The following CENPP variants were observed in gnomAD, a reference collection of about 807,000 sequenced individuals.
CENPP encodes the protein centromere protein P.
Under a neutral mutation model 35.6 loss-of-function variants are expected in CENPP, and 24 were observed. That is an observed-to-expected ratio of 0.67 (90% CI 0.49 to 0.95). CENPP has a LOEUF of 0.95. Ranked by LOEUF, CENPP falls within the 40% of genes least tolerant of loss-of-function variation. CENPP has a pLI of 0.00. For missense variants in CENPP, 332 were observed against 345.3 expected, an observed-to-expected ratio of 0.96 and a Z score of 0.31; for synonymous variants, 120 against 125.5, an observed-to-expected ratio of 0.96 and a Z score of 0.29.
At chr9:92,366,738 A>T (rs1402038395) in intron 4 of CENPP, among the ~76,000 whole-genome samples, 2 of 152,234 alleles carry the variant, frequency 1.3e-5, no homozygotes, top group Non-Finnish European at 1.5e-5. Flanking sequence ...AATGATTATT[A>T]CACACACATG....
chr9:92,351,773 C>T lies in CENPP; in HGVS notation c.467+5986C>T, dbSNP rs138827467. The stretch of plus-strand genomic sequence containing the variant: ...CCAAGTAGCTGGGATTACAGGCACC[C>T]GCTACCATGCCCAGCTAATTTTTAT... On this transcript the variant is annotated intron_variant, in intron 4 of 7. Coordinates refer to ENST00000375587, the MANE Select transcript of CENPP (RefSeq NM_001012267.3). Among the ~76,000 whole-genome samples the T allele has an allele frequency of 2.3e-3, 352 of 151,824 alleles. 2 individuals carry two copies. Among genetic ancestry groups the T allele is most frequent in the African/African-American group, 7.9e-3 (327 of 41,478 alleles).
chr9:92,416,084 T>A (rs937344736), intron 5 of CENPP, among the ~76,000 whole-genome samples: 3,987 of 136,626 alleles, frequency 0.029, 107 homozygotes, highest in South Asian at 0.089. Context: ...ATTTATTTAT[T>A]TATTTATTTA....
chr9:92,545,092 C>T (rs879844887), intron 5 of CENPP, among the ~76,000 whole-genome samples: 2 of 152,190 alleles, frequency 1.3e-5, no homozygotes, highest in Non-Finnish European at 2.9e-5. Context: ...TGGCAGCCCT[C>T]GCAGCCCTCG....
At chr9:92,560,321 T>G (rs1250908901) in intron 5 of CENPP, among the ~76,000 whole-genome samples, 2 of 152,206 alleles carry the variant, frequency 1.3e-5, no homozygotes, top group East Asian at 3.8e-4. Flanking sequence ...TATATCAGCA[T>G]TAAAGGATGA....
rs993347874 is a variant in CENPP, at chr9:92,618,545, G to C, written c.*5396G>C. 6.8e-5 allele frequency: 31 copies of C among 456,600 alleles called. No individual in the cohort carries two copies. The highest frequency in any genetic ancestry group is 4.4e-6 in the Non-Finnish European group (1 of 226,986). 28.3% of individuals were successfully genotyped at this position (456,600 alleles called of 1,614,324 possible). On this transcript the variant is annotated 3_prime_UTR_variant, in exon 8 of 8. Transcript: ENST00000375587. ...TCCTTGGTCGGGGGGCTGCTGAACA[G>C]TGGTATCTTCGTGGGTTTTCTCTCA...
chr9:92,398,539 A>G (rs1205702619), intron 5 of CENPP, among the ~76,000 whole-genome samples: 1 of 150,314 alleles, frequency 6.7e-6, no homozygotes, highest in African/African-American at 2.4e-5. Flanking sequence ...ATTCTTTTGC[A>G]CTTTGTTTTT....
At chr9:92,500,987 G>A (rs1474414228) in intron 5 of CENPP, 1 of 1,614,198 alleles carries the variant, frequency 6.2e-7, no homozygotes, top group Admixed American at 1.7e-5. Flanking sequence ...GGTGCAGCAA[G>A]GACTTGGGTA....
At chr9:92,495,819 C>T (rs1424424970) in intron 5 of CENPP, 35 of 955,654 alleles carry the variant, frequency 3.7e-5, no homozygotes, top group Admixed American at 2.5e-4. Flanking sequence ...ATATTTATAC[C>T]AGTAATTATA....
At chr9:92,335,632 T>G (rs1265795683) in intron 2 of CENPP, among the ~76,000 whole-genome samples, 1 of 152,142 alleles carries the variant, frequency 6.6e-6, no homozygotes, top group African/African-American at 2.4e-5. Context: ...GCACCTTTTG[T>G]TAAAAAGACT....
chr9:92,600,460 G>T, intron 5 of CENPP: 1 of 1,612,880 alleles, frequency 6.2e-7, no homozygotes, highest in South Asian at 1.1e-5. Flanking sequence ...TGGGTCAAGG[G>T]AGGATGGAGG....
rs1474789761 is a variant in CENPP at position 92,613,178 on chromosome 9, G to GAA, written c.*30_*31insAA. On this transcript the variant is annotated 3_prime_UTR_variant, in exon 8 of 8. Coordinates refer to ENST00000375587, the MANE Select transcript of CENPP (RefSeq NM_001012267.3). ...CAAAACAGTGAACGTGGAGGATGAA[G>GAA]ATGCTGCGTGGAGGAACATGCAATT... The GAA allele has an allele frequency of 5.0e-6, 8 of 1,613,634 alleles. No homozygotes were observed. The South Asian group carries it at 8.8e-5, about 18-fold the overall frequency.
chr9:92,606,777 G>C, intron 5 of CENPP, among the ~76,000 whole-genome samples: 1 of 152,084 alleles, frequency 6.6e-6, no homozygotes, highest in East Asian at 1.9e-4. Context: ...GGTGGCACGC[G>C]TCTGTAGTCC....
intron 5 of CENPP, among the ~76,000 whole-genome samples, chr9:92,506,898 T>A (rs1469286259): frequency 1.3e-5 from 2 of 152,038 alleles, no homozygotes; most frequent in Non-Finnish European, 1.5e-5. Flanking sequence ...TTTTTTTACA[T>A]TTTTTAAATT....
intron 5 of CENPP, chr9:92,415,492 T>G: frequency 6.8e-7 from 1 of 1,461,920 alleles, no homozygotes; most frequent in Non-Finnish European, 9.3e-7. Flanking sequence ...AAGAAATAAA[T>G]TAAAAATTAA....
intron 5 of CENPP, chr9:92,459,566 CTAAAGTGTGT>C (rs1297134535): frequency 1.3e-6 from 2 of 1,511,584 alleles, no homozygotes; most frequent in African/African-American, 2.8e-5. Context: ...TTGAGGTGTG[CTAAAGTGTGT>C]TATAAAAACT....
chr9:92,583,334 C>T (rs1850472134), intron 5 of CENPP, among the ~76,000 whole-genome samples: 1 of 152,218 alleles, frequency 6.6e-6, no homozygotes, highest in South Asian at 2.1e-4. Flanking sequence ...ATTCAGTCAA[C>T]ATGCATTTAT....
intron 4 of CENPP, among the ~76,000 whole-genome samples, chr9:92,363,731 C>T (rs1209061719): frequency 6.6e-6 from 1 of 152,132 alleles, no homozygotes; most frequent in African/African-American, 2.4e-5. Context: ...GTTTATGTGT[C>T]TATATACATA....
intron 5 of CENPP, among the ~76,000 whole-genome samples, chr9:92,431,291 TCTCAACGTTATATTATTTCC>T (rs1421089175): frequency 6.6e-6 from 1 of 152,214 alleles, no homozygotes; most frequent in Non-Finnish European, 1.5e-5. Context: ...TGAAGGCATT[TCTCAACGTTATATTATTTCC>T]CTTTGACATG....
At chr9:92,332,092 T>G (rs1840766959) in intron 1 of CENPP, 78 bp from the exon 2 acceptor site, 1 of 846,222 alleles carries the variant, frequency 1.2e-6, no homozygotes, top group African/African-American at 1.7e-5. Context: ...AAAATGGGAA[T>G]GCTTTGAGGA....
Sources: gnomAD v4.1 joint callset for allele counts (sites outside exome capture counted in the v4.1 genomes callset) on GRCh38, gnomAD v4.1.1 for gene constraint, MANE v1.5 for transcripts, NCBI Gene and HGNC (gene_info 2026-07-23, HGNC 2026-07-21) for gene names.